The following ACBD3 variants were observed in gnomAD, a reference collection of about 807,000 sequenced individuals.
The protein encoded by ACBD3 is acyl-CoA binding domain containing 3.
Under a neutral mutation model 66.9 loss-of-function variants are expected in ACBD3, and 30 were observed. That is an observed-to-expected ratio of 0.45 (90% CI 0.34 to 0.61). The LOEUF (loss-of-function observed/expected upper bound fraction) is 0.61, where lower values mean the gene tolerates loss of function less well. Among genes scored for constraint, ACBD3 ranks in the 20% least tolerant of loss-of-function variants. The pLI is 0.02. For missense variants in ACBD3, 544 were observed against 664.5 expected, an observed-to-expected ratio of 0.82 and a Z score of 1.99; for synonymous variants, 278 against 259.8, an observed-to-expected ratio of 1.07 and a Z score of -0.68.
In ACBD3 at chr1:226,152,633, G is replaced by A; in HGVS notation, c.1091-14C>T. 1 of 1,602,800 alleles carries A rather than the reference G, an allele frequency of 6.2e-7. No homozygotes were observed. Among genetic ancestry groups the A allele is most frequent in the Non-Finnish European group, 8.5e-7 (1 of 1,175,442 alleles). On this transcript the variant is annotated splice_polypyrimidine_tract_variant and intron_variant, in intron 6 of 7. Transcript: ENST00000366812. The stretch of plus-strand genomic sequence containing the variant: ...CTGGAAGAGATTCTAAAGGCAATAG[G>A]TATTAAAAAGCTAAAGAAAAAGAGC...
Position 226,145,674 on chromosome 1 carries a change from T to C in ACBD3, c.*936A>G, listed in dbSNP as rs182224919. 1.3e-5 allele frequency: 2 copies of C among 152,752 alleles called. No homozygotes were observed. The highest frequency in any genetic ancestry group is 3.9e-4 in the East Asian group (2 of 5,194). 9.5% of individuals were successfully genotyped at this position (152,752 alleles called of 1,614,324 possible). On this transcript the variant is annotated 3_prime_UTR_variant, in exon 8 of 8. Coordinates refer to ENST00000366812, the MANE Select transcript of ACBD3 (RefSeq NM_022735.4). ...AAATTAAAAGAAAATAGACTGTCTC[T>C]GGCAGTGATTTCCATATTAGTGCAA...
At chr1:226,177,647 C>G (rs557028796) in intron 1 of ACBD3, among the ~76,000 whole-genome samples, 55 of 152,132 alleles carry the variant, frequency 3.6e-4, no homozygotes, top group African/African-American at 1.3e-3. Context: ...GAGGATATTC[C>G]CAACCATGAG....
At chr1:226,157,551 T>G (rs1576232215) in intron 5 of ACBD3, among the ~76,000 whole-genome samples, 2 of 152,026 alleles carry the variant, frequency 1.3e-5, no homozygotes, top group Admixed American at 1.3e-4. Context: ...TGGCTTTTTT[T>G]TTCCTCGAGA....
At chr1:226,184,445 G>A (rs1457635337) in intron 1 of ACBD3, among the ~76,000 whole-genome samples, 2 of 152,056 alleles carry the variant, frequency 1.3e-5, no homozygotes, top group Admixed American at 6.6e-5. Flanking sequence ...ATTCTCTAAG[G>A]TGACTAACAC....
intron 5 of ACBD3, among the ~76,000 whole-genome samples, chr1:226,158,533 G>A (rs949338066): frequency 6.6e-6 from 1 of 152,156 alleles, no homozygotes; most frequent in Non-Finnish European, 1.5e-5. Context: ...GAAAGAAAGA[G>A]CAGAACAATC....
At chr1:226,150,943 A>T (rs568763346) in intron 7 of ACBD3, among the ~76,000 whole-genome samples, 19 of 152,248 alleles carry the variant, frequency 1.2e-4, no homozygotes, top group Admixed American at 2.0e-4. Flanking sequence ...GTAGATAATG[A>T]TACGGAATTA....
chr1:226,177,870 G>C (rs1430168878), intron 1 of ACBD3, among the ~76,000 whole-genome samples: 2 of 151,916 alleles, frequency 1.3e-5, no homozygotes, highest in Non-Finnish European at 2.9e-5. Context: ...AGCCTCCTGA[G>C]TAGCTGGGGC....
rs1237407146 is a variant in ACBD3, at chr1:226,145,655, A to T, written c.*955T>A. 3 of 152,676 alleles carry T rather than the reference A, an allele frequency of 2.0e-5. No homozygotes were observed. Among genetic ancestry groups the T allele is most frequent in the African/African-American group, 7.2e-5 (3 of 41,478 alleles). 9.5% of individuals were successfully genotyped at this position (152,676 alleles called of 1,614,324 possible). ...TTTGTGACTAAGTAGTAACAAATTAAAAGAAAATAGACTGTCTCTGGCAGT... is the reference window on the plus strand; with the variant it reads ...TTTGTGACTAAGTAGTAACAAATTATAAGAAAATAGACTGTCTCTGGCAGT... On this transcript the variant is annotated 3_prime_UTR_variant, in exon 8 of 8. Transcript: ENST00000366812.
rs989318295 is a variant in ACBD3 at position 226,145,274 on chromosome 1, A to G, written c.*1336T>C. On this transcript the variant is annotated 3_prime_UTR_variant, in exon 8 of 8. Coordinates refer to ENST00000366812, the MANE Select transcript of ACBD3 (RefSeq NM_022735.4). ...CAAAAAACTCAAACAACCCATATGT[A>G]GTGAACTGTATATACTGCAGTTAAT... The G allele has an allele frequency of 6.6e-6, 1 of 152,660 alleles. No individual in the cohort carries two copies. Among genetic ancestry groups the G allele is most frequent in the African/African-American group, 2.4e-5 (1 of 41,478 alleles). The allele number at this position is 152,660 out of a possible 1,614,324, so 9.5% of individuals were successfully genotyped here.
chr1:226,149,573 C>A (rs12734324), intron 7 of ACBD3, among the ~76,000 whole-genome samples: 1 of 97,480 alleles, frequency 1.0e-5, no homozygotes, highest in Non-Finnish European at 1.9e-5. Flanking sequence ...TGGGGTCTGG[C>A]TCTGTGGCCC....
At chr1:226,176,747 TGAA>T (rs1656044008) in intron 1 of ACBD3, among the ~76,000 whole-genome samples, 1 of 152,078 alleles carries the variant, frequency 6.6e-6, no homozygotes, top group Non-Finnish European at 1.5e-5. Flanking sequence ...AAAATATACA[TGAA>T]GAAAAAAATG....
rs1659453562 is a variant in ACBD3 at position 226,146,496 on chromosome 1, CCAATAT to C, written c.*108_*113del. On this transcript the variant is annotated 3_prime_UTR_variant, in exon 8 of 8. Transcript: ENST00000366812. ...CAGCAAGAGTTCACAAACCATCAGA[CCAATAT>C]CAATAAGGTAAACTGTGACTCTAAT... 1 of 851,500 alleles carries C rather than the reference CCAATAT, an allele frequency of 1.2e-6. No individual in the cohort carries two copies. The highest frequency in any genetic ancestry group is 2.6e-5 in the Admixed American group (1 of 39,094). The allele number at this position is 851,500 out of a possible 1,614,324, so 52.7% of individuals were successfully genotyped here.
chr1:226,149,931 C>T (rs1659535293), intron 7 of ACBD3, among the ~76,000 whole-genome samples: 1 of 152,034 alleles, frequency 6.6e-6, no homozygotes, highest in African/African-American at 2.4e-5. Flanking sequence ...TTTAATGAGT[C>T]CCTGTGATGC....
rs760010743 is a variant in ACBD3 at position 226,152,516 on chromosome 1, G to A, written c.1194C>T (p.Gly398=). 3 of 1,614,082 alleles carry A rather than the reference G, an allele frequency of 1.9e-6. No individual in the cohort carries two copies. In the South Asian group the frequency reaches 3.3e-5, roughly 18 times the overall value. ...QQDADSVITV[G]RGEVVTVRVP... Reference sequence around the variant, plus strand: ...CTCGAACAGTGACCACTTCTCCTCGGCCCACTGTAATCACGGAATCTGCAT... The same window carrying A: ...CTCGAACAGTGACCACTTCTCCTCGACCCACTGTAATCACGGAATCTGCAT... The change falls in exon 7 of 8, where the codon GGC becomes GGT. Residue 398 remains glycine (G), a synonymous_variant. Coordinates refer to ENST00000366812, the MANE Select transcript of ACBD3 (RefSeq NM_022735.4).
chr1:226,172,926 A>T (rs1655880134), intron 1 of ACBD3, among the ~76,000 whole-genome samples: 1 of 152,204 alleles, frequency 6.6e-6, no homozygotes, highest in South Asian at 2.1e-4. Flanking sequence ...ACCGAACTCC[A>T]GCCTGGGTGA....
intron 2 of ACBD3, 114 bp from the exon 3 acceptor site, chr1:226,165,043 G>T: frequency 8.7e-7 from 1 of 1,146,648 alleles, no homozygotes; most frequent in Non-Finnish European, 1.2e-6. Context: ...GATTCTATTG[G>T]GAGCAAAAGG....
In ACBD3 at chr1:226,152,556, T is replaced by G. The variant is rs1659597665; in HGVS notation, c.1154A>C (p.Glu385Ala). The G allele has an allele frequency of 6.2e-7, 1 of 1,614,224 alleles. No individual in the cohort carries two copies. Among genetic ancestry groups the G allele is most frequent in the South Asian group, 1.1e-5 (1 of 91,090 alleles). The change falls in exon 7 of 8, where the codon GAG becomes GCG. Residue 385 changes from glutamate to alanine, a missense_variant. By Grantham distance (107) the Glu-to-Ala change is moderately radical (BLOSUM62 -1). Around this residue, in one of 3 missense-constraint regions of ACBD3, gnomAD observed 383 missense variants for 462.4 expected, o/e 0.83. Coordinates refer to ENST00000366812, the MANE Select transcript of ACBD3 (RefSeq NM_022735.4). ...GGAATCTGCATCCTGCTGAATCTTC[T>G]CTTTGAAGTCTTTGATCTGAGGTCG... is the stretch of plus-strand genomic sequence containing the variant. Reference protein sequence around the residue: ...WTRPQIKDFKEKIQQDADSVI... With the variant: ...WTRPQIKDFKAKIQQDADSVI...
rs186824336 is a variant in ACBD3 at position 226,179,655 on chromosome 1, G to C, written c.286+6735C>G. 5.9e-5 allele frequency among the ~76,000 whole-genome samples: 9 copies of C among 151,880 alleles called. No individual in the cohort carries two copies. In the East Asian group the frequency reaches 1.7e-3, roughly 29 times the overall value. On this transcript the variant is annotated intron_variant, in intron 1 of 7. Coordinates refer to ENST00000366812, the MANE Select transcript of ACBD3 (RefSeq NM_022735.4). The stretch of plus-strand genomic sequence containing the variant: ...GCAGATCACCTGATGTTGGGAGTTT[G>C]GGACCAGCCTGACCCAACATGGAGA...
At position 226,159,451 on chromosome 1, in the gene ACBD3, A is replaced by C. The variant is rs1264306006; in HGVS notation, c.729-93T>G. 5.1e-6 allele frequency: 6 copies of C among 1,182,800 alleles called. 1 individual carries two copies. In the East Asian group the frequency reaches 1.5e-4, roughly 30 times the overall value. 73.3% of individuals were successfully genotyped at this position (1,182,800 alleles called of 1,614,324 possible). ...CTTATTACTTACTTTTACAGTCTGT[A>C]ACTCTTAAAAACAACTAAGCTAGTA... On this transcript the variant is annotated intron_variant, in intron 4 of 7. Transcript: ENST00000366812.
Sources: gnomAD v4.1 joint callset for allele counts (sites outside exome capture counted in the v4.1 genomes callset) on GRCh38, gnomAD v4.1.1 for gene constraint, gnomAD v4.1.1 regional missense constraint, MANE v1.5 for transcripts, NCBI Gene and HGNC (gene_info 2026-07-23, HGNC 2026-07-21) for gene names.